The following MAP4 variants were observed in gnomAD, a reference collection of about 807,000 sequenced individuals.
The protein encoded by MAP4 is microtubule associated protein 4.
Under a neutral mutation model 170.2 loss-of-function variants are expected in MAP4, and 76 were observed. The observed-to-expected ratio is 0.45, with a 90% CI of 0.37 to 0.54. The LOEUF is 0.54. Among genes scored for constraint, MAP4 ranks in the 20% least tolerant of loss-of-function variants. The pLI is 0.00. For synonymous variants in MAP4, 909 were observed against 994.5 expected (o/e 0.91, Z 1.62); for missense variants, 2,506 against 2,748.0 (o/e 0.91, Z 1.97).
At chr3:47,890,614 A>G (rs1217349855) in intron 10 of MAP4, among the ~76,000 whole-genome samples, 1 of 152,214 alleles carries the variant, frequency 6.6e-6, no homozygotes, top group African/African-American at 2.4e-5. Context: ...AAGGAAATCA[A>G]TCAGTTGGGA....
intron 2 of MAP4, among the ~76,000 whole-genome samples, chr3:47,997,326 T>TAAAAAAAAAAAAAAAAAAAAAAAACAAAA: frequency 2.2e-5 from 1 of 44,994 alleles, no homozygotes; most frequent in Non-Finnish European, 4.3e-5. Flanking sequence ...TTTAAACTGC[T>TAAAAAAAAAAAAAAAAAAAAAAAACAAAA]AAAAAAAAAA....
chr3:48,053,312 G>A (rs1182692817), intron 1 of MAP4, among the ~76,000 whole-genome samples: 6 of 152,002 alleles, frequency 3.9e-5, no homozygotes. Flanking sequence ...GATTTAAGTC[G>A]TTCTGGTTTC....
At chr3:47,924,816 AT>A (rs11449304) in intron 4 of MAP4, among the ~76,000 whole-genome samples, 56 of 148,348 alleles carry the variant, frequency 3.8e-4, no homozygotes, top group Admixed American at 4.7e-4. Flanking sequence ...AAGCTACGAT[AT>A]TTTTTTTTTT....
intron 19 of MAP4, 81 bp from the exon 20 acceptor site, chr3:47,853,433 C>T: frequency 2.0e-6 from 2 of 990,242 alleles, no homozygotes; most frequent in East Asian, 5.3e-5. Context: ...GGGTTTCACA[C>T]ACAGCCCCCA....
At position 47,911,397 on chromosome 3, in the gene MAP4, T is replaced by A; in HGVS notation, c.3024A>T (p.Glu1008Asp). ...TTAGTTCTTTATCCTCTTCAGCTCC[T>A]TCAGGAAACTCCTTCAGTTTGACAT... Reference protein sequence around the residue: ...LQNVKLKEFPEGAEEDKELKK... With the variant: ...LQNVKLKEFPDGAEEDKELKK... The change falls in exon 9 of 21, where the codon GAA (glutamate) becomes GAT (aspartate). Residue 1008 changes from glutamate to aspartate, a missense_variant. Around this residue, in one of 3 missense-constraint regions of MAP4, gnomAD observed 2,008 missense variants for 2,206.0 expected, o/e 0.91. Coordinates refer to ENST00000683076, the MANE Select transcript of MAP4 (RefSeq NM_001385682.1). The surrounding 1 kb of genome is among the most constrained non-coding windows in gnomAD (Gnocchi z 4.0). 3 of 1,536,156 alleles carry A rather than the reference T, an allele frequency of 2.0e-6. No individual in the cohort carries two copies. Among genetic ancestry groups the A allele is most frequent in the Non-Finnish European group, 2.6e-6 (3 of 1,146,898 alleles).
At position 47,976,221 on chromosome 3, in the gene MAP4, C is replaced by T. The variant is rs143620723; in HGVS notation, c.292+1644G>A. Among the ~76,000 whole-genome samples, 1,426 of 152,298 alleles carry T rather than the reference C, an allele frequency of 9.4e-3. 11 individuals are homozygous for T. Among genetic ancestry groups the T allele is most frequent in the East Asian group, 0.021 (108 of 5,186 alleles). On this transcript the variant is annotated intron_variant, in intron 3 of 20. Transcript: ENST00000683076. The stretch of plus-strand genomic sequence containing the variant: ...ACTCTCATAATGCCACTGGGTAGTT[C>T]ATAAAGAGCCAGGTTCTTTTTTGTC...
chr3:48,048,131 G>A lies in MAP4; in HGVS notation c.-20+40642C>T, dbSNP rs567632173. Among the ~76,000 whole-genome samples, 6 of 152,222 alleles carry A rather than the reference G, an allele frequency of 3.9e-5. No individual in the cohort carries two copies. The East Asian group carries it at 7.7e-4, about 20-fold the overall frequency. On this transcript the variant is annotated intron_variant, in intron 1 of 18. Transcript: ENST00000360240. ...TCTTTTAAAAAGAGAGAGAGAAAGA[G>A]AAAGTACAAAAGAGAAAAGAAAATG...
chr3:48,085,636 G>A (rs954646824), intron 1 of MAP4, among the ~76,000 whole-genome samples: 1 of 152,172 alleles, frequency 6.6e-6, no homozygotes, highest in East Asian at 1.9e-4. Context: ...TAAAATACCC[G>A]TAAGGCCAGG....
chr3:47,936,785 A>G (rs1296395756), intron 3 of MAP4, among the ~76,000 whole-genome samples: 1 of 152,110 alleles, frequency 6.6e-6, no homozygotes, highest in East Asian at 1.9e-4. Flanking sequence ...GTTCAAGACC[A>G]GCCTGGCCAA....
rs779922442 is a variant in MAP4 at position 47,870,907 on chromosome 3, C to A, written c.6200G>T (p.Arg2067Leu). The change falls in exon 15 of 21, where the codon CGC (arginine) becomes CTC (leucine). Residue 2067 changes from arginine to leucine, a missense_variant. Arg to Leu is a moderately radical substitution (Grantham distance 102). Around this residue, in one of 3 missense-constraint regions of MAP4, gnomAD observed 487 missense variants for 511.6 expected, o/e 0.95. Coordinates refer to ENST00000683076, the MANE Select transcript of MAP4 (RefSeq NM_001385682.1). ...AGGAGCAGAAGTATTGGTGGCCAGG[C>A]GGCTGAGCCGGGGGGTGGTGGAGCT... is the stretch of plus-strand genomic sequence containing the variant. ...KPSSTTPRLSRLATNTSAPDL... is the reference protein window; with the variant it reads ...KPSSTTPRLSLLATNTSAPDL... The A allele has an allele frequency of 1.9e-6, 3 of 1,613,520 alleles. No homozygotes were observed. Among genetic ancestry groups the A allele is most frequent in the African/African-American group, 1.3e-5 (1 of 74,916 alleles).
intron 3 of MAP4, among the ~76,000 whole-genome samples, chr3:47,953,437 A>T (rs1343067937): frequency 6.6e-6 from 1 of 151,978 alleles, no homozygotes; most frequent in African/African-American, 2.4e-5. Flanking sequence ...AAGGAGGACT[A>T]CTTGAGCCTA....
Position 47,906,836 on chromosome 3 carries a change from G to C in MAP4, c.5383+2202C>G, listed in dbSNP as rs1478789215. Among the ~76,000 whole-genome samples, 7 of 150,114 alleles carry C rather than the reference G, an allele frequency of 4.7e-5. No individual in the cohort carries two copies. In the South Asian group the frequency reaches 1.5e-3, roughly 32 times the overall value. On this transcript the variant is annotated intron_variant, in intron 9 of 20. Transcript: ENST00000683076. ...AAAAAGAGGCCTCTTTCTTTATACT[G>C]ATTCTTTTTTTTTTTTGAAATGGAG...
chr3:47,996,567 T>C (rs923542002), intron 2 of MAP4, among the ~76,000 whole-genome samples: 14 of 152,176 alleles, frequency 9.2e-5, no homozygotes, highest in Admixed American at 7.2e-4. Flanking sequence ...ATTAAAGGGA[T>C]TGAAGACAGT....
intron 1 of MAP4, among the ~76,000 whole-genome samples, chr3:48,040,276 TA>T (rs1346859613): frequency 6.6e-6 from 1 of 152,126 alleles, no homozygotes; most frequent in Middle Eastern, 3.2e-3. Flanking sequence ...TTTATTTTTT[TA>T]TTTTTTTTTG....
chr3:48,069,846 C>T (rs2100140129), intron 1 of MAP4, among the ~76,000 whole-genome samples: 1 of 152,064 alleles, frequency 6.6e-6, no homozygotes, highest in Non-Finnish European at 1.5e-5. Flanking sequence ...TATCGGTGAC[C>T]CAAACTTACC....
At chr3:48,016,234 C>T (rs2100107772) in intron 1 of MAP4, 100 bp downstream of exon 1, 1 of 149,760 alleles carries the variant, frequency 6.7e-6, no homozygotes, top group South Asian at 2.2e-4. Flanking sequence ...TAAGGGAGCC[C>T]TGTTCTCTGG....
chr3:48,061,135 G>A (rs966879308), intron 1 of MAP4, among the ~76,000 whole-genome samples: 2 of 151,834 alleles, frequency 1.3e-5, no homozygotes, highest in African/African-American at 2.4e-5. Context: ...GTGAGCCACC[G>A]CGCCTGGACC....
chr3:48,055,232 CTCCG>C (rs2100130329), intron 1 of MAP4, among the ~76,000 whole-genome samples: 2 of 132,428 alleles, frequency 1.5e-5, no homozygotes, highest in African/African-American at 3.1e-5. Context: ...CCGTCTCCGT[CTCCG>C]TCTCCCCATG....
chr3:47,881,413 C>G (rs1226164429), intron 10 of MAP4, among the ~76,000 whole-genome samples: 1 of 130,526 alleles, frequency 7.7e-6, no homozygotes, highest in Non-Finnish European at 1.6e-5. Flanking sequence ...GATCAGGCCA[C>G]TGCACTCCAG....
Sources: allele counts gnomAD v4.1 joint callset (sites outside exome capture counted in the v4.1 genomes callset), GRCh38; gene constraint gnomAD v4.1.1; regional missense constraint gnomAD v4.1.1; non-coding constraint Gnocchi (gnomAD v3.1); transcripts MANE v1.5; gene names NCBI Gene and HGNC (gene_info 2026-07-23, HGNC 2026-07-21).